CUX1: variants seen among roughly 807,000 people sequenced by gnomAD.
CUX1 encodes the protein cut like homeobox 1, also known as protein CASP.
In CUX1, 31 loss-of-function variants were observed where a neutral mutation model predicts 158.8. The ratio of observed to expected loss-of-function variants is 0.20; its 90% CI spans 0.15 to 0.26. CUX1 has a LOEUF of 0.26. CUX1 is among the 10% of genes least tolerant of loss of function. The pLI is 1.00. For synonymous variants in CUX1, 879 were observed against 862.1 expected (o/e 1.02, Z -0.34); for missense variants, 1,589 against 2,014.6 (o/e 0.79, Z 4.04).
chr7:101,842,391 CTTCT>C, intron 1 of CUX1, among the ~76,000 whole-genome samples: 1 of 151,728 alleles, frequency 6.6e-6, no homozygotes, highest in South Asian at 2.1e-4. Flanking sequence ...AGTTTTTTTT[CTTCT>C]TTCTTTCTTT....
chr7:101,933,591 G>T (rs1400700207), intron 2 of CUX1, among the ~76,000 whole-genome samples: 1 of 152,018 alleles, frequency 6.6e-6, no homozygotes, highest in Non-Finnish European at 1.5e-5. Flanking sequence ...AAGATCAGAT[G>T]AATTTCTACA....
intron 2 of CUX1, among the ~76,000 whole-genome samples, chr7:101,930,511 G>A (rs1585014482): frequency 6.6e-6 from 1 of 152,206 alleles, no homozygotes; most frequent in East Asian, 1.9e-4. Context: ...CGCGTGTGGT[G>A]TGGGTGGGAC....
At chr7:101,967,119 T>C (rs1811324733) in intron 2 of CUX1, among the ~76,000 whole-genome samples, 1 of 152,138 alleles carries the variant, frequency 6.6e-6, no homozygotes, top group African/African-American at 2.4e-5. Context: ...GTTTGAATGA[T>C]TCTCTTGCCT....
At chr7:102,198,504 G>A (rs1381164353) in intron 15 of CUX1, among the ~76,000 whole-genome samples, 3 of 152,196 alleles carry the variant, frequency 2.0e-5, no homozygotes, top group African/African-American at 7.2e-5. Context: ...TTGTTCTGGG[G>A]GCTGGCGGGT....
At chr7:102,190,962 C>T (rs533264233) in intron 12 of CUX1, among the ~76,000 whole-genome samples, 3 of 152,286 alleles carry the variant, frequency 2.0e-5, no homozygotes, top group Non-Finnish European at 2.9e-5. Flanking sequence ...CCACTCACCA[C>T]GTTTTCTTTG....
chr7:101,875,578 T>C (rs897880029), intron 1 of CUX1, among the ~76,000 whole-genome samples: 1 of 152,058 alleles, frequency 6.6e-6, no homozygotes, highest in African/African-American at 2.4e-5. Context: ...GAGGTCGTGG[T>C]GTTTTGTTTG....
At chr7:102,025,731 A>T (rs1416840708) in intron 2 of CUX1, among the ~76,000 whole-genome samples, 1 of 152,234 alleles carries the variant, frequency 6.6e-6, no homozygotes, top group Non-Finnish European at 1.5e-5. Flanking sequence ...AACAGGATTG[A>T]CTTCTCCAAG....
intron 1 of CUX1, among the ~76,000 whole-genome samples, chr7:101,898,445 C>A (rs1293840930): frequency 6.6e-6 from 1 of 152,164 alleles, no homozygotes; most frequent in Non-Finnish European, 1.5e-5. Flanking sequence ...GTCTCCAATG[C>A]CATTCAGTGC....
chr7:102,010,928 T>C (rs932877839), intron 2 of CUX1, among the ~76,000 whole-genome samples: 33 of 152,060 alleles, frequency 2.2e-4, no homozygotes, highest in Middle Eastern at 3.4e-3. Context: ...CTGACCAACA[T>C]GGAGAAACCC....
chr7:102,189,753 GT>G, intron 11 of CUX1, 59 bp from the exon 12 acceptor site: 1 of 1,578,724 alleles, frequency 6.3e-7, no homozygotes, highest in Non-Finnish European at 8.7e-7. Context: ...AATGCCGTCG[GT>G]GAAGTCCGTC....
chr7:102,158,642 A>G, intron 9 of CUX1, 34 bp downstream of exon 9: 1 of 1,605,440 alleles, frequency 6.2e-7, no homozygotes, highest in Non-Finnish European at 8.5e-7. Context: ...CCTAAAACCC[A>G]CAATAGCGGG....
chr7:102,012,824 C>T (rs1404973782), intron 2 of CUX1, among the ~76,000 whole-genome samples: 2 of 152,024 alleles, frequency 1.3e-5, no homozygotes, highest in East Asian at 1.9e-4. Context: ...TCATCTTAGC[C>T]GGTCATGGAA....
At chr7:102,096,659 T>TCATGCCACTGCACTC (rs1829225816) in intron 4 of CUX1, among the ~76,000 whole-genome samples, 1 of 152,150 alleles carries the variant, frequency 6.6e-6, no homozygotes, top group Non-Finnish European at 1.5e-5. Flanking sequence ...TGAGCCATGA[T>TCATGCCACTGCACTC]CATGCCACTG....
intron 1 of CUX1, among the ~76,000 whole-genome samples, chr7:101,901,386 A>C: frequency 6.6e-6 from 1 of 151,890 alleles, no homozygotes; most frequent in Non-Finnish European, 1.5e-5. Context: ...CTCCGCCCCT[A>C]GGGTTCTAGC....
At chr7:101,906,068 C>T (rs1802720629) in intron 1 of CUX1, among the ~76,000 whole-genome samples, 1 of 151,886 alleles carries the variant, frequency 6.6e-6, no homozygotes, top group African/African-American at 2.4e-5. Flanking sequence ...TCAAGTGATC[C>T]CCCCACCTCG....
intron 1 of CUX1, among the ~76,000 whole-genome samples, chr7:101,904,899 G>A (rs1285932090): frequency 6.6e-6 from 1 of 152,162 alleles, no homozygotes; most frequent in Non-Finnish European, 1.5e-5. Flanking sequence ...ACATGGGCAC[G>A]TAATCTTTAT....
At chr7:102,243,677 T>TAATAATAATA (rs544002750) in intron 23 of CUX1, among the ~76,000 whole-genome samples, 10 of 139,054 alleles carry the variant, frequency 7.2e-5, no homozygotes, top group African/African-American at 2.8e-4. Context: ...ATAATAATAA[T>TAATAATAATA]AAAATAAATG....
At chr7:102,187,528 G>C (rs577419035) in intron 11 of CUX1, among the ~76,000 whole-genome samples, 1 of 152,022 alleles carries the variant, frequency 6.6e-6, no homozygotes, top group Non-Finnish European at 1.5e-5. Flanking sequence ...TCAGGCTGTC[G>C]GCCTTCTTGG....
intron 1 of CUX1, among the ~76,000 whole-genome samples, chr7:101,839,338 C>T (rs1480069345): frequency 6.6e-6 from 1 of 152,024 alleles, no homozygotes; most frequent in East Asian, 1.9e-4. Flanking sequence ...TAGGAACGTT[C>T]TTACACACGT....
Sources: allele counts gnomAD v4.1 joint callset (sites outside exome capture counted in the v4.1 genomes callset), GRCh38; gene constraint gnomAD v4.1.1; transcripts MANE v1.5; gene names NCBI Gene and HGNC (gene_info 2026-07-23, HGNC 2026-07-21).